Variants in DAPP1 observed in about 807,000 individuals in gnomAD.
The protein encoded by DAPP1 is dual adaptor of phosphotyrosine and 3-phosphoinositides 1, also known as dual adapter for phosphotyrosine and 3-phosphotyrosine and 3-phosphoinositide.
In DAPP1, 20 loss-of-function variants were observed where a neutral mutation model predicts 41.5. The observed-to-expected ratio is 0.48, with a 90% CI of 0.34 to 0.70. The LOEUF (loss-of-function observed/expected upper bound fraction) is 0.70, where lower values mean the gene tolerates loss of function less well. Among genes scored for constraint, DAPP1 ranks in the 30% least tolerant of loss-of-function variants. The probability of loss-of-function intolerance (pLI) is 0.01; values close to 1 mark genes in which losing one functional copy is unlikely to be tolerated. For synonymous variants in DAPP1, 113 were observed against 116.2 expected, an observed-to-expected ratio of 0.97 and a Z score of 0.18; for missense variants, 233 against 333.4, an observed-to-expected ratio of 0.70 and a Z score of 2.35.
intron 7 of DAPP1, chr4:99,865,054 A>G (rs2081791034): frequency 6.6e-6 from 1 of 152,278 alleles, no homozygotes; most frequent in Non-Finnish European, 1.5e-5. Flanking sequence ...CCAGTTTTCG[A>G]GTATATGCAC....
chr4:99,836,014 G>C (rs569682936), intron 2 of DAPP1, among the ~76,000 whole-genome samples: 2 of 152,164 alleles, frequency 1.3e-5, no homozygotes, highest in Non-Finnish European at 2.9e-5. Context: ...AACCCAAAGC[G>C]GTGGAATGTC....
chr4:99,859,489 T>C (rs936979511), intron 4 of DAPP1, among the ~76,000 whole-genome samples: 1 of 152,224 alleles, frequency 6.6e-6, no homozygotes, highest in African/African-American at 2.4e-5. Context: ...CATCTGTATT[T>C]ATCTGTCGAT....
rs537053206 is a variant in DAPP1, at chr4:99,829,192, T to C, written c.102-6431T>C. On this transcript the variant is annotated intron_variant, in intron 1 of 8. Coordinates refer to ENST00000512369, the MANE Select transcript of DAPP1 (RefSeq NM_014395.3). ...TTTCCAATACATGAAAATAAGAAGGTTCTCTGGCCAGGCGCAGTGACTCAT... is the reference window on the plus strand; with the variant it reads ...TTTCCAATACATGAAAATAAGAAGGCTCTCTGGCCAGGCGCAGTGACTCAT... Among the ~76,000 whole-genome samples, 6 of 152,112 alleles carry C rather than the reference T, an allele frequency of 3.9e-5. No homozygotes were observed. The South Asian group carries it at 1.2e-3, about 32-fold the overall frequency.
Position 99,835,616 on chromosome 4 carries a change from T to G in DAPP1, c.102-7T>G. ...CCTGAGTGAAAGCGCTGTTCCCTCC[T>G]TTCTAGGTGGTATCACGGCAACCTC... On this transcript the variant is annotated splice_polypyrimidine_tract_variant and splice_region_variant and intron_variant, in intron 1 of 8. Coordinates refer to ENST00000512369, the MANE Select transcript of DAPP1 (RefSeq NM_014395.3). 2.5e-6 allele frequency: 4 copies of G among 1,612,386 alleles called. No homozygotes were observed. Among genetic ancestry groups the G allele is most frequent in the Non-Finnish European group, 3.4e-6 (4 of 1,179,686 alleles).
intron 3 of DAPP1, among the ~76,000 whole-genome samples, chr4:99,847,208 C>A (rs1022208451): frequency 1.7e-4 from 26 of 152,218 alleles, no homozygotes; most frequent in African/African-American, 6.3e-4. Context: ...GCACTGACCT[C>A]ACTGCATAAA....
intron 1 of DAPP1, among the ~76,000 whole-genome samples, chr4:99,824,304 CAAGTT>C (rs1383385022): frequency 6.6e-6 from 1 of 152,152 alleles, no homozygotes; most frequent in African/African-American, 2.4e-5. Flanking sequence ...TGAATTGCCC[CAAGTT>C]GAGTCAAGGC....
At chr4:99,848,705 G>A (rs1030039545) in intron 3 of DAPP1, among the ~76,000 whole-genome samples, 19 of 152,122 alleles carry the variant, frequency 1.2e-4, no homozygotes, top group African/African-American at 3.4e-4. Context: ...GTGTACCTCC[G>A]CTCAGCCTTT....
At chr4:99,870,628 G>A (rs1019529028), downstream of DAPP1, among the ~76,000 whole-genome samples, 1 of 152,206 alleles carries the variant, frequency 6.6e-6, no homozygotes, top group Non-Finnish European at 1.5e-5. Context: ...TCCAGAGAGA[G>A]GGAGGATGTT....
intron 4 of DAPP1, among the ~76,000 whole-genome samples, chr4:99,855,011 A>C (rs1446793033): frequency 1.3e-5 from 2 of 152,222 alleles, no homozygotes; most frequent in Non-Finnish European, 2.9e-5. Flanking sequence ...AAAAATCCTG[A>C]AAATTGACTG....
chr4:99,835,730 A>ACT lies in DAPP1; in HGVS notation c.218_219dup (p.Val74LeufsTer2). 1.9e-6 allele frequency: 3 copies of ACT among 1,613,468 alleles called. No individual in the cohort carries two copies. The highest frequency in any genetic ancestry group is 2.5e-6 in the Non-Finnish European group (3 of 1,179,732). ...GACAGCAATGAGACCACCGGGCTGT[A>ACT]CTCTCTCTCTGTGAGGTAAGGTGCT... On this transcript the variant is annotated frameshift_variant, in exon 2 of 9. Coordinates refer to ENST00000512369, the MANE Select transcript of DAPP1 (RefSeq NM_014395.3). LOFTEE classifies it high-confidence loss of function.
chr4:99,860,014 G>T (rs1233391161), intron 4 of DAPP1, among the ~76,000 whole-genome samples: 1 of 152,210 alleles, frequency 6.6e-6, no homozygotes, highest in Non-Finnish European at 1.5e-5. Context: ...TTCATTTAAG[G>T]CTGGCAGGCA....
At chr4:99,865,922 TATA>T (rs1459670900) in intron 7 of DAPP1, 109 bp from the exon 8 acceptor site, 57 of 104,170 alleles carry the variant, frequency 5.5e-4, no homozygotes, top group Non-Finnish European at 7.5e-4. Flanking sequence ...TATATATATA[TATA>T]ATATATATAA....
At chr4:99,866,700 T>C (rs888172654) in intron 8 of DAPP1, 44 of 655,242 alleles carry the variant, frequency 6.7e-5, no homozygotes, top group Non-Finnish European at 1.1e-4. Flanking sequence ...CAAGAACTTG[T>C]CCTTAAAGCT....
At chr4:99,868,026 C>A in intron 8 of DAPP1, 91 bp from the exon 9 acceptor site, 2 of 1,104,438 alleles carry the variant, frequency 1.8e-6, no homozygotes, top group Non-Finnish European at 2.8e-6. Flanking sequence ...GACATCCTTA[C>A]TAATCAACAT....
At chr4:99,852,400 CTGAT>C (rs951569924) in intron 3 of DAPP1, among the ~76,000 whole-genome samples, 1 of 152,144 alleles carries the variant, frequency 6.6e-6, no homozygotes, top group Non-Finnish European at 1.5e-5. Flanking sequence ...TTCTGATTGA[CTGAT>C]TGATTGAGGG....
intron 1 of DAPP1, among the ~76,000 whole-genome samples, chr4:99,824,616 C>T (rs140589216): frequency 1.3e-5 from 2 of 152,222 alleles, no homozygotes; most frequent in African/African-American, 2.4e-5. Flanking sequence ...CTACACTAGC[C>T]CACAATGGTA....
At position 99,835,674 on chromosome 4, in the gene DAPP1, A is replaced by G; in HGVS notation, c.153A>G (p.Ser51=). Residue 51 remains serine, a synonymous_variant, in exon 2 of 9, where the codon TCA becomes TCG. Transcript: ENST00000512369. ...TRHAAEALLL[S]NGCDGSYLLR... ...ATGCTGCTGAAGCTCTTCTCCTCTC[A>G]AATGGATGTGACGGCAGCTACCTTC... 6.2e-7 allele frequency: 1 copy of G among 1,613,860 alleles called. No homozygotes were observed. Among genetic ancestry groups the G allele is most frequent in the East Asian group, 2.2e-5 (1 of 44,866 alleles).
At chr4:99,817,208 C>T (rs1578335792) in intron 1 of DAPP1, among the ~76,000 whole-genome samples, 194 bp downstream of exon 1, 1 of 152,214 alleles carries the variant, frequency 6.6e-6, no homozygotes, top group Admixed American at 6.5e-5. Context: ...ATTGGAAAAG[C>T]AGGCATTATT....
intron 3 of DAPP1, among the ~76,000 whole-genome samples, chr4:99,842,099 G>A (rs1723513913): frequency 6.6e-6 from 1 of 152,216 alleles, no homozygotes; most frequent in Non-Finnish European, 1.5e-5. Flanking sequence ...CAATCATCAG[G>A]CAAGAGGATC....
Sources: gnomAD v4.1 joint callset for allele counts (sites outside exome capture counted in the v4.1 genomes callset) on GRCh38, gnomAD v4.1.1 for gene constraint, MANE v1.5 for transcripts, NCBI Gene and HGNC (gene_info 2026-07-23, HGNC 2026-07-21) for gene names.